NFIB: variants seen among roughly 807,000 people sequenced by gnomAD.
NFIB encodes the protein nuclear factor I B, also known as nuclear factor 1 B-type.
In NFIB, 11 loss-of-function variants were observed where a neutral mutation model predicts 61.5. The observed-to-expected ratio is 0.18, with a 90% CI of 0.11 to 0.30. The LOEUF (loss-of-function observed/expected upper bound fraction) is 0.30. NFIB is among the 10% of genes least tolerant of loss of function. The pLI is 1.00. For missense variants in NFIB, 471 were observed against 608.9 expected (o/e 0.77, Z 2.38); for synonymous variants, 260 against 216.5 (o/e 1.20, Z -1.76).
At chr9:14,525,101 T>C in the NFIB span, among the ~76,000 whole-genome samples, 4 of 152,174 alleles carry the variant, frequency 2.6e-5, no homozygotes, top group Admixed American at 6.5e-5. Flanking sequence ...TTCCAAAGAA[T>C]TCAACTACCT....
At chr9:14,398,957 G>A (rs1247748723) in exon 1 of NFIB, 11 of 277,436 alleles carry the variant, frequency 4.0e-5, no homozygotes, top group Non-Finnish European at 7.4e-5. Context: ...GTAGGCATTT[G>A]ATCATCTAGA....
upstream of NFIB, among the ~76,000 whole-genome samples, chr9:14,314,847 A>C: frequency 6.7e-6 from 1 of 148,242 alleles, no homozygotes. Flanking sequence ...ACACCAGCAC[A>C]CACATACACA....
intron 1 of NFIB, among the ~76,000 whole-genome samples, chr9:14,343,024 G>T (rs929734825): frequency 6.6e-6 from 1 of 151,766 alleles, no homozygotes; most frequent in Admixed American, 6.6e-5. Flanking sequence ...AATTTGTCCT[G>T]TTTCTGTTGC....
chr9:14,448,983 G>A, the NFIB span, among the ~76,000 whole-genome samples: 3 of 152,266 alleles, frequency 2.0e-5, no homozygotes, highest in African/African-American at 7.2e-5. Flanking sequence ...AATAAAGGAA[G>A]AGCACTATGA....
intron 2 of NFIB, among the ~76,000 whole-genome samples, chr9:14,211,360 T>C (rs565277519): frequency 5.3e-5 from 8 of 152,266 alleles, no homozygotes; most frequent in East Asian, 3.9e-4. Context: ...CCTAGATCGA[T>C]AGTAAGAAAC....
At chr9:14,102,859 T>C (rs2035978898) in intron 10 of NFIB, among the ~76,000 whole-genome samples, 1 of 152,144 alleles carries the variant, frequency 6.6e-6, no homozygotes, top group Non-Finnish European at 1.5e-5. Flanking sequence ...AAAATAAAAA[T>C]GCTTTTTTTC....
At chr9:14,464,592 C>T in the NFIB span, among the ~76,000 whole-genome samples, 3 of 152,058 alleles carry the variant, frequency 2.0e-5, no homozygotes, top group Admixed American at 6.5e-5. Flanking sequence ...GCTGATGGAG[C>T]GTAGCAAGGA....
In NFIB at chr9:14,084,875, A is replaced by G. The variant is rs1019881612; in HGVS notation, c.*3434T>C. ...AGAAGAAAAAATTGATTTGAAATAA[A>G]AAAAGCAACACTTGAACTAGGCCTT... On this transcript the variant is annotated 3_prime_UTR_variant, in exon 11 of 11. Transcript: ENST00000380953. The G allele has an allele frequency of 4.3e-6, 1 of 230,486 alleles. No individual in the cohort carries two copies. Among genetic ancestry groups the G allele is most frequent in the African/African-American group, 2.2e-5 (1 of 45,174 alleles). The allele number at this position is 230,486 out of a possible 1,614,324, so 14.3% of individuals were successfully genotyped here.
the NFIB span, among the ~76,000 whole-genome samples, chr9:14,407,037 C>G: frequency 1.3e-5 from 2 of 152,164 alleles, no homozygotes; most frequent in African/African-American, 4.8e-5. Context: ...TGCCCATTTT[C>G]CAAGCCTCAT....
At chr9:14,131,588 G>A (rs973291984) in intron 6 of NFIB, among the ~76,000 whole-genome samples, 1 of 152,192 alleles carries the variant, frequency 6.6e-6, no homozygotes, top group Non-Finnish European at 1.5e-5. Flanking sequence ...ATCTGTTCAA[G>A]TCAGCCCAAG....
the NFIB span, among the ~76,000 whole-genome samples, chr9:14,430,842 A>C: frequency 7.9e-5 from 12 of 152,132 alleles, no homozygotes; most frequent in Non-Finnish European, 1.6e-4. Flanking sequence ...TCGGCCTCCC[A>C]AAGTGCTGGA....
Position 14,190,250 on chromosome 9 carries a change from G to A in NFIB, c.563-10470C>T, listed in dbSNP as rs2047799907. Among the ~76,000 whole-genome samples the A allele has an allele frequency of 2.6e-5, 4 of 152,004 alleles. No individual in the cohort carries two copies. The South Asian group carries it at 8.3e-4, about 32-fold the overall frequency. ...ATTAAATTATGGCTCTTAAGTCTGT[G>A]ATACTATATTCATATAAAAATAAAT... On this transcript the variant is annotated intron_variant, in intron 2 of 10. Transcript: ENST00000380953.
the NFIB span, among the ~76,000 whole-genome samples, chr9:14,525,772 T>C: frequency 3.3e-5 from 5 of 152,174 alleles, no homozygotes; most frequent in Admixed American, 6.5e-5. Context: ...AAAATGTTCA[T>C]GTGAATTTTT....
chr9:14,347,705 G>A (rs2061047159), intron 1 of NFIB, among the ~76,000 whole-genome samples: 2 of 152,148 alleles, frequency 1.3e-5, no homozygotes, highest in South Asian at 4.1e-4. Flanking sequence ...ACTGTGCGGA[G>A]TGTAAAAGAC....
At chr9:14,302,884 G>A (rs1351843744) in intron 2 of NFIB, among the ~76,000 whole-genome samples, 1 of 152,080 alleles carries the variant, frequency 6.6e-6, no homozygotes, top group African/African-American at 2.4e-5. Flanking sequence ...ATTAATTAAC[G>A]AGATAACGGT....
At chr9:14,379,246 C>T (rs1395941125) in intron 1 of NFIB, among the ~76,000 whole-genome samples, 2 of 152,200 alleles carry the variant, frequency 1.3e-5, no homozygotes, top group Non-Finnish European at 2.9e-5. Flanking sequence ...CCTGAAACTC[C>T]TGAGGCCTTT....
chr9:14,254,811 A>G (rs1232137608), intron 2 of NFIB, among the ~76,000 whole-genome samples: 3 of 152,208 alleles, frequency 2.0e-5, no homozygotes, highest in Non-Finnish European at 4.4e-5. Context: ...GTGTGAATCT[A>G]TGCATGTGCA....
chr9:14,104,908 G>C (rs1462576784), intron 10 of NFIB, among the ~76,000 whole-genome samples: 1 of 152,098 alleles, frequency 6.6e-6, no homozygotes, highest in African/African-American at 2.4e-5. Flanking sequence ...TATCTATGGG[G>C]CTCTCAGCTT....
chr9:14,368,154 TA>T (rs35889620), intron 1 of NFIB, among the ~76,000 whole-genome samples: 141,064 of 145,614 alleles, frequency 0.97, 68,311 homozygotes, highest in South Asian at 0.99. Flanking sequence ...AAAGTAAGAT[TA>T]AAAAAAAAAA....
Sources: allele counts gnomAD v4.1 joint callset (sites outside exome capture counted in the v4.1 genomes callset), GRCh38; gene constraint gnomAD v4.1.1; transcripts MANE v1.5; gene names NCBI Gene and HGNC (gene_info 2026-07-23, HGNC 2026-07-21).